The following KDM4C variants were observed in gnomAD, a reference collection of about 807,000 sequenced individuals.
KDM4C encodes the protein lysine demethylase 4C.
Under a neutral mutation model 129.3 loss-of-function variants are expected in KDM4C, and 81 were observed. That is an observed-to-expected ratio of 0.63 (90% confidence interval 0.52 to 0.75). The LOEUF is 0.75. Among genes scored for constraint, KDM4C ranks in the 30% least tolerant of loss-of-function variants. The pLI is 0.00. For missense variants in KDM4C, 1,457 were observed against 1,304.0 expected (o/e 1.12, Z -1.81); for synonymous variants, 573 against 456.1 (o/e 1.26, Z -3.26).
chr9:6,995,622 C>T (rs1428266082), intron 12 of KDM4C, among the ~76,000 whole-genome samples: 1 of 152,120 alleles, frequency 6.6e-6, no homozygotes, highest in Non-Finnish European at 1.5e-5. Flanking sequence ...TATTTTGAGG[C>T]AAGTAATTAT....
At position 6,864,605 on chromosome 9, in the gene KDM4C, A is replaced by G. The variant is rs140239834; in HGVS notation, c.629+14905A>G. Among the ~76,000 whole-genome samples the G allele has an allele frequency of 3.5e-3, 535 of 151,848 alleles. 3 individuals carry two copies. The highest frequency in any genetic ancestry group is 0.013 in the African/African-American group (523 of 41,408). ...GCTGCCTCAGCCCTCCATAGCTGGG[A>G]TTACAGGCATGTGCCAACATGCCCA... is the stretch of plus-strand genomic sequence containing the variant. On this transcript the variant is annotated intron_variant, in intron 5 of 21. Transcript: ENST00000381309.
intron 12 of KDM4C, among the ~76,000 whole-genome samples, chr9:6,995,440 A>C (rs1819517716): frequency 6.6e-6 from 1 of 152,228 alleles, no homozygotes; most frequent in South Asian, 2.1e-4. Flanking sequence ...TAAATGTCTC[A>C]TAAAAGGGAA....
chr9:6,856,590 T>C (rs985163609), intron 5 of KDM4C, among the ~76,000 whole-genome samples: 1 of 145,138 alleles, frequency 6.9e-6, no homozygotes, highest in Non-Finnish European at 1.5e-5. Context: ...GTATTTTTTT[T>C]TGAGACAGAG....
At position 7,172,228 on chromosome 9, in the gene KDM4C, A is replaced by G. The variant is rs143187956; in HGVS notation, c.2995-2325A>G. Among the ~76,000 whole-genome samples, 625 of 152,302 alleles carry G rather than the reference A, an allele frequency of 4.1e-3. 16 individuals carry two copies. The highest frequency in any genetic ancestry group is 1.9e-3 in the East Asian group (10 of 5,190). On this transcript the variant is annotated intron_variant, in intron 21 of 21. Coordinates refer to ENST00000381309, the MANE Select transcript of KDM4C (RefSeq NM_015061.6). ...GTATTTTAATGACTTCGGCTCACCC[A>G]GACACACGCTGACTGGGGGAGAAAC...
At chr9:6,949,469 C>A (rs1027105102) in intron 8 of KDM4C, among the ~76,000 whole-genome samples, 23 of 152,204 alleles carry the variant, frequency 1.5e-4, no homozygotes, top group Non-Finnish European at 3.2e-4. Context: ...AATCTCGGCA[C>A]TTTGGGAGGC....
At chr9:6,850,401 C>G (rs1257552555) in intron 5 of KDM4C, among the ~76,000 whole-genome samples, 2 of 152,128 alleles carry the variant, frequency 1.3e-5, no homozygotes, top group Admixed American at 6.5e-5. Flanking sequence ...TAGTTTCAAA[C>G]CATCTTCATG....
intron 4 of KDM4C, among the ~76,000 whole-genome samples, chr9:6,838,425 A>T (rs541751107): frequency 6.6e-6 from 1 of 152,132 alleles, no homozygotes; most frequent in Admixed American, 6.5e-5. Context: ...TCCCAAGAGG[A>T]TTGGAGTTAT....
chr9:7,155,504 CG>C (rs1304256546), intron 19 of KDM4C, among the ~76,000 whole-genome samples: 4 of 152,238 alleles, frequency 2.6e-5, no homozygotes, highest in African/African-American at 9.6e-5. Flanking sequence ...CTATCCCTCC[CG>C]CATCCCCCCA....
intron 1 of KDM4C, chr9:6,721,087 A>T: frequency 1.6e-6 from 2 of 1,260,404 alleles, no homozygotes; most frequent in Admixed American, 2.1e-5. Context: ...CTTTATTTTT[A>T]TTTTTTTAGA....
chr9:6,967,327 A>T (rs2131660174), intron 8 of KDM4C, among the ~76,000 whole-genome samples: 1 of 151,920 alleles, frequency 6.6e-6, no homozygotes, highest in East Asian at 1.9e-4. Context: ...GGGGGGCTGA[A>T]GCAGGAAGAT....
intron 1 of KDM4C, among the ~76,000 whole-genome samples, chr9:6,775,152 G>T (rs969374132): frequency 2.0e-5 from 3 of 152,166 alleles, no homozygotes; most frequent in Non-Finnish European, 2.9e-5. Context: ...GAGTAGCTGG[G>T]ATTACAGGCA....
chr9:7,026,129 C>T (rs545735029), intron 15 of KDM4C, among the ~76,000 whole-genome samples: 18 of 151,462 alleles, frequency 1.2e-4, no homozygotes, highest in South Asian at 8.4e-4. Context: ...CGCTTGAACC[C>T]GGGAGACGAA....
intron 19 of KDM4C, among the ~76,000 whole-genome samples, chr9:7,152,820 T>A (rs1306714158): frequency 6.6e-6 from 1 of 152,126 alleles, no homozygotes; most frequent in African/African-American, 2.4e-5. Flanking sequence ...TAGAGACAGA[T>A]CAGCTGTATT....
At chr9:6,951,323 T>C (rs1046994265) in intron 8 of KDM4C, among the ~76,000 whole-genome samples, 1 of 152,254 alleles carries the variant, frequency 6.6e-6, no homozygotes, top group African/African-American at 2.4e-5. Flanking sequence ...CCTGTCCTTA[T>C]ATGCTTTTGA....
chr9:6,854,525 C>CACAAA (rs1839420752), intron 5 of KDM4C, among the ~76,000 whole-genome samples: 2 of 41,384 alleles, frequency 4.8e-5, no homozygotes, highest in African/African-American at 2.1e-4. Context: ...AACTCCGTCT[C>CACAAA]AAAAAAAAAA....
chr9:6,914,720 A>G (rs1437576820), intron 8 of KDM4C, among the ~76,000 whole-genome samples: 1 of 152,200 alleles, frequency 6.6e-6, no homozygotes, highest in Non-Finnish European at 1.5e-5. Context: ...TGTTCTAACA[A>G]AAGGGCTTGA....
chr9:6,731,313 A>G (rs375399048), intron 1 of KDM4C, among the ~76,000 whole-genome samples: 11 of 114,174 alleles, frequency 9.6e-5, no homozygotes, highest in African/African-American at 3.6e-4. Context: ...AAGCAACTAC[A>G]TTTTTTTTTT....
chr9:6,878,225 G>C (rs1843869578), intron 5 of KDM4C, among the ~76,000 whole-genome samples: 1 of 152,110 alleles, frequency 6.6e-6, no homozygotes, highest in Non-Finnish European at 1.5e-5. Context: ...TTGGAAGGAA[G>C]TTTTCATCCT....
At chr9:7,166,258 T>C (rs1331224523) in intron 20 of KDM4C, among the ~76,000 whole-genome samples, 5 of 152,212 alleles carry the variant, frequency 3.3e-5, no homozygotes, top group African/African-American at 1.2e-4. Context: ...AGAGAAATTG[T>C]TCAAAGACTG....
Sources: gnomAD v4.1 joint callset for allele counts (sites outside exome capture counted in the v4.1 genomes callset) on GRCh38, gnomAD v4.1.1 for gene constraint, MANE v1.5 for transcripts, NCBI Gene and HGNC (gene_info 2026-07-23, HGNC 2026-07-21) for gene names.